SPATA17: variants seen among roughly 807,000 people sequenced by gnomAD.
SPATA17 encodes the protein spermatogenesis associated 17.
In SPATA17, 53 loss-of-function variants were observed where a neutral mutation model predicts 62.2. The ratio of observed to expected loss-of-function variants is 0.85; its 90% confidence interval spans 0.68 to 1.07. The LOEUF is 1.07. SPATA17 is among the 50% of genes least tolerant of loss of function. The pLI is 0.00. For synonymous variants in SPATA17, 146 were observed against 146.8 expected (o/e 0.99, Z 0.04); for missense variants, 466 against 425.5 (o/e 1.10, Z -0.84).
chr1:217,792,356 T>C (rs1200410850), intron 8 of SPATA17, among the ~76,000 whole-genome samples: 1 of 152,124 alleles, frequency 6.6e-6, no homozygotes, highest in Non-Finnish European at 1.5e-5. Flanking sequence ...TATAGAGATA[T>C]AAAGACCCAA....
At chr1:217,720,522 T>C (rs1011125180) in intron 5 of SPATA17, among the ~76,000 whole-genome samples, 1 of 152,112 alleles carries the variant, frequency 6.6e-6, no homozygotes. Context: ...AACTAAAGGC[T>C]AATGCTGGAC....
intron 3 of SPATA17, among the ~76,000 whole-genome samples, chr1:217,653,005 C>T (rs1353539458): frequency 2.0e-5 from 3 of 152,134 alleles, no homozygotes; most frequent in Admixed American, 2.0e-4. Flanking sequence ...ATTTGTGATG[C>T]TGTTGTTAGT....
At chr1:217,851,427 A>G (rs902524414) in intron 9 of SPATA17, among the ~76,000 whole-genome samples, 41 of 152,240 alleles carry the variant, frequency 2.7e-4, no homozygotes, top group Non-Finnish European at 5.6e-4. Flanking sequence ...ATAAGCAGTA[A>G]TTAGAAATCT....
At chr1:217,678,917 T>C in intron 4 of SPATA17, among the ~76,000 whole-genome samples, 1 of 142,962 alleles carries the variant, frequency 7.0e-6, no homozygotes, top group East Asian at 2.0e-4. Context: ...AAATCATTTT[T>C]CTTTTTTTTT....
intron 5 of SPATA17, among the ~76,000 whole-genome samples, chr1:217,731,901 T>C (rs1672409215): frequency 6.6e-6 from 1 of 152,186 alleles, no homozygotes; most frequent in Admixed American, 6.5e-5. Flanking sequence ...AAATAGGAAA[T>C]TGTGTAGTGA....
At chr1:217,798,959 A>G (rs17494678) in intron 8 of SPATA17, among the ~76,000 whole-genome samples, 2,045 of 151,658 alleles carry the variant, frequency 0.013, 112 homozygotes, top group Admixed American at 0.11. Flanking sequence ...CATAAGCACA[A>G]CTGAATATAT....
chr1:217,724,950 A>G (rs1299069085), intron 5 of SPATA17, among the ~76,000 whole-genome samples: 1 of 152,118 alleles, frequency 6.6e-6, no homozygotes, highest in African/African-American at 2.4e-5. Context: ...TTGCAAACAT[A>G]TTTATGGAGA....
chr1:217,646,111 T>C (rs1004135515), intron 1 of SPATA17, among the ~76,000 whole-genome samples: 2 of 152,186 alleles, frequency 1.3e-5, no homozygotes, highest in Non-Finnish European at 2.9e-5. Flanking sequence ...CATAAAACTC[T>C]GAAAACCAAG....
intron 1 of SPATA17, among the ~76,000 whole-genome samples, chr1:217,635,428 G>C (rs759511233): frequency 3.9e-5 from 6 of 152,200 alleles, no homozygotes; most frequent in Admixed American, 6.5e-5. Context: ...TTCTGGCCAG[G>C]CATGGTGGCT....
intron 9 of SPATA17, among the ~76,000 whole-genome samples, chr1:217,813,231 T>C (rs992760533): frequency 7.2e-5 from 11 of 152,152 alleles, no homozygotes; most frequent in Non-Finnish European, 1.5e-5. Context: ...TGTGACTGCT[T>C]GCCCATTGCA....
intron 5 of SPATA17, among the ~76,000 whole-genome samples, chr1:217,738,767 C>T: frequency 6.6e-6 from 1 of 152,192 alleles, no homozygotes; most frequent in East Asian, 1.9e-4. Flanking sequence ...GCCTGGCCAA[C>T]ATGGCGAAAC....
At chr1:217,737,469 G>A (rs937106600) in intron 5 of SPATA17, among the ~76,000 whole-genome samples, 2 of 152,126 alleles carry the variant, frequency 1.3e-5, no homozygotes, top group African/African-American at 4.8e-5. Context: ...GGGAAGGGAG[G>A]AGGGAGGTTG....
At chr1:217,813,356 C>T (rs1050909149) in intron 9 of SPATA17, among the ~76,000 whole-genome samples, 7 of 152,200 alleles carry the variant, frequency 4.6e-5, no homozygotes, top group African/African-American at 1.7e-4. Flanking sequence ...GGGATCATTA[C>T]AGCTGAACTG....
In SPATA17 at chr1:217,801,791, C is replaced by A. The variant is rs1286416003; in HGVS notation, c.946C>A (p.Pro316Thr). 1.9e-6 allele frequency: 3 copies of A among 1,611,366 alleles called. No individual in the cohort carries two copies. Among genetic ancestry groups the A allele is most frequent in the Non-Finnish European group, 2.5e-6 (3 of 1,178,932 alleles). The change falls in exon 9 of 11, where the codon CCT becomes ACT. Residue 316 changes from proline to threonine, a missense_variant. Coordinates refer to ENST00000366933, the MANE Select transcript of SPATA17 (RefSeq NM_138796.4). ...AATGCATTTATCAAGCAAGTATGGT[C>A]CTATTTCTTACAAAGAACAATTCCG... ...PSMHLSSKYG[P>T]ISYKEQFRSE... is the part of the protein sequence containing the mutation.
At chr1:217,687,066 T>A (rs902952669) in intron 5 of SPATA17, among the ~76,000 whole-genome samples, 1 of 152,216 alleles carries the variant, frequency 6.6e-6, no homozygotes, top group African/African-American at 2.4e-5. Context: ...ACAGTTGTTC[T>A]AAATTTTTGC....
chr1:217,730,111 T>C (rs996190330), intron 5 of SPATA17, among the ~76,000 whole-genome samples: 1 of 152,150 alleles, frequency 6.6e-6, no homozygotes, highest in Non-Finnish European at 1.5e-5. Context: ...CATTACTGCA[T>C]ATGCCAAGAA....
intron 3 of SPATA17, among the ~76,000 whole-genome samples, chr1:217,653,554 C>T (rs1670369075): frequency 6.6e-6 from 1 of 151,892 alleles, no homozygotes; most frequent in African/African-American, 2.4e-5. Flanking sequence ...TGAAGAGTTA[C>T]ATCTTCATGA....
At position 217,867,201 on chromosome 1, in the gene SPATA17, T is replaced by C. The variant is rs747675491; in HGVS notation, c.*182T>C. On this transcript the variant is annotated 3_prime_UTR_variant, in exon 11 of 11. Coordinates refer to ENST00000366933, the MANE Select transcript of SPATA17 (RefSeq NM_138796.4). Reference sequence around the variant, plus strand: ...GTATTTGAAATCTCTTAGACATATCTTTTCAAACAAATACTTAAACTTGAG... The same window carrying C: ...GTATTTGAAATCTCTTAGACATATCCTTTCAAACAAATACTTAAACTTGAG... 2 of 152,220 alleles carry C rather than the reference T, an allele frequency of 1.3e-5. No individual in the cohort carries two copies. Among genetic ancestry groups the C allele is most frequent in the Non-Finnish European group, 2.9e-5 (2 of 68,032 alleles). The allele number at this position is 152,220 out of a possible 1,614,324, so 9.4% of individuals were successfully genotyped here. A position where few individuals can be genotyped will look rare whatever the true frequency, so the allele number is the denominator to read the frequency against.
chr1:217,769,619 A>G (rs1438155362), intron 6 of SPATA17, among the ~76,000 whole-genome samples: 2 of 152,218 alleles, frequency 1.3e-5, no homozygotes, highest in Non-Finnish European at 2.9e-5. Context: ...ACTCAGTAGT[A>G]TGGCTCAAAA....
Sources: gnomAD v4.1 joint callset for allele counts (sites outside exome capture counted in the v4.1 genomes callset) on GRCh38, gnomAD v4.1.1 for gene constraint, MANE v1.5 for transcripts, NCBI Gene and HGNC (gene_info 2026-07-23, HGNC 2026-07-21) for gene names.